The following ANKS1B variants were observed in gnomAD, a reference collection of about 807,000 sequenced individuals.
ANKS1B encodes ankyrin repeat and sterile alpha motif domain-containing protein 1B.
A neutral mutation model predicts 148.3 loss-of-function variants in ANKS1B; 36 were observed. That is an observed-to-expected ratio of 0.24 (90% CI 0.19 to 0.32). The LOEUF is 0.32. Among genes scored for constraint, ANKS1B ranks in the 10% least tolerant of loss-of-function variants. The pLI, the probability that ANKS1B is intolerant of heterozygous loss-of-function variation, is 1.00. For missense variants in ANKS1B, 1,157 were observed against 1,542.6 expected, an observed-to-expected ratio of 0.75 and a Z score of 4.19; for synonymous variants, 542 against 560.8, an observed-to-expected ratio of 0.97 and a Z score of 0.47.
chr12:99,039,599 C>A (rs1427771780), intron 17 of ANKS1B, among the ~76,000 whole-genome samples: 2 of 152,234 alleles, frequency 1.3e-5, no homozygotes, highest in African/African-American at 4.8e-5. Context: ...GACTCTGAGT[C>A]CAGCCTCTCA....
chr12:98,900,206 T>G (rs1449283375), intron 17 of ANKS1B, among the ~76,000 whole-genome samples: 1 of 152,216 alleles, frequency 6.6e-6, no homozygotes, highest in Non-Finnish European at 1.5e-5. Flanking sequence ...AAAAATTTAT[T>G]TACGACTTGG....
At position 98,768,453 on chromosome 12, in the gene ANKS1B, G is replaced by T. The variant is rs955228246; in HGVS notation, c.3579+4589C>A. Among the ~76,000 whole-genome samples, 246 of 56,918 alleles carry T rather than the reference G, an allele frequency of 4.3e-3. 4 individuals are homozygous for T. Among genetic ancestry groups the T allele is most frequent in the Non-Finnish European group, 6.2e-3 (169 of 27,068 alleles). The allele number at this position is 56,918 out of a possible 152,430, so 37.3% of individuals were successfully genotyped here. ...AAAAAAAAAAAAAAAAAAAAAAAAA[G>T]GCCGGGCACGGTGGCTCATGCCTGT... On this transcript the variant is annotated intron_variant, in intron 25 of 26. Coordinates refer to ENST00000683438, the MANE Select transcript of ANKS1B (RefSeq NM_001352186.2).
intron 14 of ANKS1B, among the ~76,000 whole-genome samples, chr12:99,168,642 A>G (rs2077437571): frequency 1.3e-5 from 2 of 152,240 alleles, no homozygotes; most frequent in African/African-American, 4.8e-5. Flanking sequence ...GGTAATATTT[A>G]AACAGAGACT....
chr12:99,330,226 C>T (rs2087236892), intron 12 of ANKS1B, among the ~76,000 whole-genome samples: 1 of 151,940 alleles, frequency 6.6e-6, no homozygotes, highest in Non-Finnish European at 1.5e-5. Context: ...CTTAGGAGTT[C>T]TATCAGTTAT....
At chr12:99,595,545 T>C (rs965583163) in intron 9 of ANKS1B, among the ~76,000 whole-genome samples, 6 of 151,894 alleles carry the variant, frequency 4.0e-5, no homozygotes, top group African/African-American at 9.7e-5. Flanking sequence ...TTAGTATGTA[T>C]CAACTCATTT....
At chr12:99,593,164 T>C (rs1001361523) in intron 9 of ANKS1B, among the ~76,000 whole-genome samples, 2 of 152,014 alleles carry the variant, frequency 1.3e-5, no homozygotes, top group African/African-American at 4.8e-5. Flanking sequence ...TCAACCCCCA[T>C]CATGGCCAGA....
intron 12 of ANKS1B, among the ~76,000 whole-genome samples, chr12:99,369,791 T>TAGACAGAC (rs879173702): frequency 6.7e-6 from 1 of 148,770 alleles, no homozygotes. Flanking sequence ...GATAGATAGA[T>TAGACAGAC]GGACGGACGG....
chr12:99,477,195 T>C (rs1004630769), intron 10 of ANKS1B, among the ~76,000 whole-genome samples: 4 of 152,112 alleles, frequency 2.6e-5, no homozygotes, highest in Admixed American at 1.3e-4. Context: ...AGGGAAGAGA[T>C]TAAACAAAGG....
At chr12:99,823,994 C>T (rs1297677936) in intron 2 of ANKS1B, among the ~76,000 whole-genome samples, 3 of 152,080 alleles carry the variant, frequency 2.0e-5, no homozygotes, top group African/African-American at 7.2e-5. Context: ...AATACTGTAG[C>T]CTTATGGAAT....
intron 12 of ANKS1B, among the ~76,000 whole-genome samples, chr12:99,389,304 A>G (rs2093978531): frequency 6.6e-6 from 1 of 152,224 alleles, no homozygotes; most frequent in South Asian, 2.1e-4. Context: ...CCCACCCAAC[A>G]TAGACAAGTG....
chr12:98,877,014 A>G (rs2099692792), intron 17 of ANKS1B, among the ~76,000 whole-genome samples: 1 of 152,248 alleles, frequency 6.6e-6, no homozygotes, highest in African/African-American at 2.4e-5. Context: ...CTATGCATAT[A>G]TAGCTAAATT....
intron 17 of ANKS1B, among the ~76,000 whole-genome samples, chr12:98,873,538 G>A (rs941986778): frequency 1.3e-5 from 2 of 152,172 alleles, no homozygotes; most frequent in Non-Finnish European, 2.9e-5. Context: ...AGGAAAGAAA[G>A]TAATCGAGGA....
At chr12:99,505,655 T>C (rs1416029244) in intron 9 of ANKS1B, among the ~76,000 whole-genome samples, 4 of 148,716 alleles carry the variant, frequency 2.7e-5, no homozygotes, top group African/African-American at 7.3e-5. Flanking sequence ...TATATATATA[T>C]AATGTGCTAA....
At chr12:98,969,811 T>C (rs12315468) in intron 17 of ANKS1B, among the ~76,000 whole-genome samples, 27,543 of 152,158 alleles carry the variant, frequency 0.18, 2,676 homozygotes, top group African/African-American at 0.23. Context: ...TGGAATCCTA[T>C]TCAGTATACC....
At chr12:99,242,399 C>T (rs1315176680) in intron 14 of ANKS1B, among the ~76,000 whole-genome samples, 1 of 152,096 alleles carries the variant, frequency 6.6e-6, no homozygotes, top group African/African-American at 2.4e-5. Context: ...AAAGAGGACA[C>T]AAACAAATGG....
At chr12:99,370,713 T>C (rs531544045) in intron 12 of ANKS1B, among the ~76,000 whole-genome samples, 1 of 152,328 alleles carries the variant, frequency 6.6e-6, no homozygotes, top group East Asian at 1.9e-4. Context: ...GTCTAGAATT[T>C]AATTACCTGT....
At chr12:99,636,286 A>G (rs558817135) in intron 9 of ANKS1B, among the ~76,000 whole-genome samples, 1 of 152,306 alleles carries the variant, frequency 6.6e-6, no homozygotes, top group Admixed American at 6.5e-5. Flanking sequence ...TCCTAAGAGA[A>G]TGCAGGTTTA....
At chr12:99,531,218 C>T (rs2096986545) in intron 9 of ANKS1B, among the ~76,000 whole-genome samples, 1 of 152,190 alleles carries the variant, frequency 6.6e-6, no homozygotes, top group Non-Finnish European at 1.5e-5. Context: ...ATTAGCTTTT[C>T]AGGACTGCAT....
intron 8 of ANKS1B, among the ~76,000 whole-genome samples, chr12:99,665,008 T>A (rs1236575656): frequency 6.6e-6 from 1 of 152,200 alleles, no homozygotes; most frequent in Non-Finnish European, 1.5e-5. Flanking sequence ...CAAAGTTTTG[T>A]TTATACATTC....
Sources: gnomAD v4.1 joint callset for allele counts (sites outside exome capture counted in the v4.1 genomes callset) on GRCh38, gnomAD v4.1.1 for gene constraint, MANE v1.5 for transcripts, NCBI Gene and HGNC (gene_info 2026-07-23, HGNC 2026-07-21) for gene names.